The following ARID4B variants were observed in gnomAD, a reference collection of about 807,000 sequenced individuals.
ARID4B encodes AT-rich interactive domain-containing protein 4B.
ARID4B carries 26 observed loss-of-function variants against 147.5 expected under a neutral mutation model. The ratio of observed to expected loss-of-function variants is 0.18; its 90% CI spans 0.13 to 0.24. ARID4B has a LOEUF of 0.24. Ranked by LOEUF, ARID4B falls within the 10% of genes least tolerant of loss-of-function variation. The probability of loss-of-function intolerance (pLI) is 1.00; values close to 1 mark genes in which losing one functional copy is unlikely to be tolerated. For synonymous variants in ARID4B, 512 were observed against 507.9 expected, an observed-to-expected ratio of 1.01 and a Z score of -0.11; for missense variants, 1,179 against 1,511.5, an observed-to-expected ratio of 0.78 and a Z score of 3.65.
chr1:235,307,179 G>C (rs1673632695), intron 2 of ARID4B, among the ~76,000 whole-genome samples: 1 of 152,182 alleles, frequency 6.6e-6, no homozygotes, highest in African/African-American at 2.4e-5. Flanking sequence ...TGCAGTGGCT[G>C]ATGTCTGTAA....
chr1:235,293,174 G>A (rs747956472), intron 2 of ARID4B, among the ~76,000 whole-genome samples: 29 of 152,114 alleles, frequency 1.9e-4, no homozygotes, highest in African/African-American at 6.8e-4. Context: ...CCTCAGTACC[G>A]AAGCGCAGTA....
intron 3 of ARID4B, 28 bp from the exon 4 acceptor site, chr1:235,257,253 C>T: frequency 6.7e-7 from 1 of 1,496,826 alleles, no homozygotes; most frequent in African/African-American, 1.4e-5. Context: ...AATTAGCCAC[C>T]AAAAATAAAC....
chr1:235,256,709 T>A (rs1670012886), intron 4 of ARID4B, among the ~76,000 whole-genome samples: 1 of 152,204 alleles, frequency 6.6e-6, no homozygotes, highest in African/African-American at 2.4e-5. Flanking sequence ...TTTCAGATCA[T>A]CGTGGAACTG....
chr1:235,198,372 A>G (rs1222285262), intron 17 of ARID4B, among the ~76,000 whole-genome samples: 1 of 152,226 alleles, frequency 6.6e-6, no homozygotes, highest in Non-Finnish European at 1.5e-5. Context: ...TATATTTTAC[A>G]TGCAACACCA....
In ARID4B at chr1:235,206,660, G is replaced by C. The variant is rs374498709; in HGVS notation, c.1841+7109C>G. 5.9e-5 allele frequency among the ~76,000 whole-genome samples: 9 copies of C among 152,272 alleles called. No individual in the cohort carries two copies. In the South Asian group the frequency reaches 1.2e-3, roughly 21 times the overall value. On this transcript the variant is annotated intron_variant, in intron 17 of 23. Coordinates refer to ENST00000264183, the MANE Select transcript of ARID4B (RefSeq NM_016374.6). ...TGGAGCCCAAGCAAAGCATATCACG[G>C]AAGGAGTGATCAACTGACTGTAAAG...
intron 9 of ARID4B, among the ~76,000 whole-genome samples, chr1:235,232,555 A>G (rs1668306184): frequency 7.6e-6 from 1 of 132,450 alleles, no homozygotes; most frequent in Non-Finnish European, 1.6e-5. Flanking sequence ...AGCCTGGGCA[A>G]CATGGCAAAA....
intron 5 of ARID4B, among the ~76,000 whole-genome samples, chr1:235,254,485 T>G (rs896208637): frequency 1.3e-5 from 2 of 151,492 alleles, no homozygotes; most frequent in Non-Finnish European, 3.0e-5. Flanking sequence ...AAAAATAAAT[T>G]TAAAAAGTAT....
chr1:235,244,820 A>C (rs1485505587), intron 7 of ARID4B, among the ~76,000 whole-genome samples: 1 of 152,190 alleles, frequency 6.6e-6, no homozygotes, highest in Non-Finnish European at 1.5e-5. Context: ...GGTCAGATGA[A>C]TGCCCTTAAG....
chr1:235,169,415 G>T (rs939023978), intron 23 of ARID4B, among the ~76,000 whole-genome samples: 1 of 151,574 alleles, frequency 6.6e-6, no homozygotes, highest in Non-Finnish European at 1.5e-5. Flanking sequence ...TAATTTTTTT[G>T]TATTTTTAGT....
At chr1:235,234,716 CA>C (rs1344681194) in intron 8 of ARID4B, among the ~76,000 whole-genome samples, 2 of 151,506 alleles carry the variant, frequency 1.3e-5, no homozygotes. Context: ...TTGGCATAGG[CA>C]AGGCATTGAA....
At chr1:235,187,127 G>A in intron 19 of ARID4B, 1 of 348,378 alleles carries the variant, frequency 2.9e-6, no homozygotes, top group Non-Finnish European at 5.5e-6. Flanking sequence ...TGTTACCCAG[G>A]CTGGAGCGCA....
At position 235,217,091 on chromosome 1, in the gene ARID4B, A is replaced by G. The variant is rs558795618; in HGVS notation, c.1583+2702T>C. ...GCCCAGGCAAATTTTCATTCAATCT[A>G]CAACAAAAACCCAACACTCTTTTAT... On this transcript the variant is annotated intron_variant, in intron 16 of 23. Transcript: ENST00000264183. 3.3e-5 allele frequency among the ~76,000 whole-genome samples: 5 copies of G among 152,328 alleles called. No individual in the cohort carries two copies. In the East Asian group the frequency reaches 9.6e-4, roughly 29 times the overall value.
At chr1:235,252,840 G>A in intron 5 of ARID4B, 31 bp from the exon 6 acceptor site, 2 of 1,582,610 alleles carry the variant, frequency 1.3e-6, no homozygotes, top group East Asian at 2.3e-5. Context: ...GGAAGCTACT[G>A]AAGGATTTTT....
At chr1:235,304,333 G>T (rs1673396095) in intron 2 of ARID4B, among the ~76,000 whole-genome samples, 1 of 152,006 alleles carries the variant, frequency 6.6e-6, no homozygotes, top group Non-Finnish European at 1.5e-5. Flanking sequence ...GGGCAACAGA[G>T]GAAGACCCTG....
chr1:235,187,903 GATCAAA>G (rs1664803169), intron 19 of ARID4B, among the ~76,000 whole-genome samples: 1 of 152,068 alleles, frequency 6.6e-6, no homozygotes, highest in South Asian at 2.1e-4. Context: ...TATGGGAAAG[GATCAAA>G]ATGTCTTTTT....
rs374197964 is a variant in ARID4B at position 235,202,692 on chromosome 1, G to A, written c.1842-6577C>T. On this transcript the variant is annotated intron_variant, in intron 17 of 23. Coordinates refer to ENST00000264183, the MANE Select transcript of ARID4B (RefSeq NM_016374.6). ...AGCCCCCTGAGTAGCTGGGATTACA[G>A]GTGTGTGCCACCACGTCCAGCTAAT... Among the ~76,000 whole-genome samples the A allele has an allele frequency of 5.9e-5, 9 of 152,000 alleles. No homozygotes were observed. The East Asian group carries it at 1.5e-3, about 26-fold the overall frequency.
intron 2 of ARID4B, among the ~76,000 whole-genome samples, chr1:235,262,244 G>GA (rs541352859): frequency 1.9e-3 from 296 of 152,036 alleles, no homozygotes; most frequent in African/African-American, 6.6e-3. Flanking sequence ...AAGAAAAAGG[G>GA]AAAAAAACAA....
intron 2 of ARID4B, among the ~76,000 whole-genome samples, chr1:235,300,966 C>T (rs987301571): frequency 2.0e-5 from 3 of 151,778 alleles, no homozygotes; most frequent in Non-Finnish European, 2.9e-5. Context: ...CTGCCTGCCT[C>T]GGCCTCCCAG....
In ARID4B at chr1:235,283,901, A is replaced by AT. The variant is rs1172261287; in HGVS notation, c.7-23150dup. On this transcript the variant is annotated intron_variant, in intron 2 of 23. Transcript: ENST00000264183. ...AGACATGCGCCACCACACCCTGCTA[A>AT]TTTTTTTTTTATTTTAGTAGAGACG... 1.2e-4 allele frequency among the ~76,000 whole-genome samples: 18 copies of AT among 149,974 alleles called. No individual in the cohort carries two copies. The South Asian group carries it at 1.5e-3, about 12-fold the overall frequency.
Sources: allele counts gnomAD v4.1 joint callset (sites outside exome capture counted in the v4.1 genomes callset), GRCh38; gene constraint gnomAD v4.1.1; transcripts MANE v1.5; gene names NCBI Gene and HGNC (gene_info 2026-07-23, HGNC 2026-07-21).